RPS6KC1: variants seen among roughly 807,000 people sequenced by gnomAD.
The protein encoded by RPS6KC1 is inactive ribosomal protein S6 kinase delta-1.
RPS6KC1 carries 54 observed loss-of-function variants against 103.8 expected under a neutral mutation model. That is an observed-to-expected ratio of 0.52 (90% CI 0.42 to 0.65). RPS6KC1 has a LOEUF of 0.65. RPS6KC1 is among the 30% of genes least tolerant of loss of function. The probability of loss-of-function intolerance (pLI) is 0.00; values close to 1 mark genes in which losing one functional copy is unlikely to be tolerated. For missense variants in RPS6KC1, 1,151 were observed against 1,253.8 expected (o/e 0.92, Z 1.24); for synonymous variants, 439 against 438.7 (o/e 1.00, Z -0.01).
chr1:213,631,208 A>G, the RPS6KC1 span, among the ~76,000 whole-genome samples: 1 of 151,972 alleles, frequency 6.6e-6, no homozygotes, highest in Non-Finnish European at 1.5e-5. Flanking sequence ...TGTGTGCTGC[A>G]TCCACTGTCC....
At chr1:213,111,647 CTG>C (rs888081903) in intron 4 of RPS6KC1, among the ~76,000 whole-genome samples, 2 of 152,206 alleles carry the variant, frequency 1.3e-5, no homozygotes, top group South Asian at 2.1e-4. Flanking sequence ...TCTAAATACT[CTG>C]TGTGTATTTT....
chr1:213,553,838 GTGTC>G, the RPS6KC1 span, among the ~76,000 whole-genome samples: 1 of 152,062 alleles, frequency 6.6e-6, no homozygotes, highest in East Asian at 1.9e-4. Context: ...CTTTTGGAAA[GTGTC>G]TGTCCAGATT....
the RPS6KC1 span, among the ~76,000 whole-genome samples, chr1:213,540,998 C>T: frequency 6.6e-6 from 1 of 151,882 alleles, no homozygotes; most frequent in Non-Finnish European, 1.5e-5. Flanking sequence ...CTCCAGGCTC[C>T]ACCTGTAATT....
chr1:213,589,941 GTGTGT>G, the RPS6KC1 span, among the ~76,000 whole-genome samples: 40 of 75,406 alleles, frequency 5.3e-4, no homozygotes, highest in African/African-American at 1.5e-3. Flanking sequence ...AGGTAGTGGT[GTGTGT>G]GTGTGTGTGT....
the RPS6KC1 span, among the ~76,000 whole-genome samples, chr1:213,442,494 TG>T: frequency 6.6e-6 from 1 of 152,206 alleles, no homozygotes; most frequent in Admixed American, 6.5e-5. Flanking sequence ...ATCCCAAACC[TG>T]CCACTTCTGA....
chr1:213,431,833 G>A, the RPS6KC1 span, among the ~76,000 whole-genome samples: 1 of 152,128 alleles, frequency 6.6e-6, no homozygotes, highest in Admixed American at 6.5e-5. Context: ...GGATGAAATT[G>A]CTGATTTATA....
At chr1:213,339,634 A>G in the RPS6KC1 span, among the ~76,000 whole-genome samples, 1 of 152,198 alleles carries the variant, frequency 6.6e-6, no homozygotes, top group African/African-American at 2.4e-5. Flanking sequence ...TTTCATGTTC[A>G]TTACCTCATT....
chr1:213,267,608 AGCAGC>A (rs2094942070), intron 14 of RPS6KC1, among the ~76,000 whole-genome samples: 2 of 152,094 alleles, frequency 1.3e-5, no homozygotes, highest in Non-Finnish European at 2.9e-5. Flanking sequence ...AAGACTTTAA[AGCAGC>A]TATTGTAAAT....
At chr1:213,425,992 C>T in the RPS6KC1 span, among the ~76,000 whole-genome samples, 1 of 152,054 alleles carries the variant, frequency 6.6e-6, no homozygotes, top group Non-Finnish European at 1.5e-5. Flanking sequence ...AAAGATTCTC[C>T]CAAGATTGGA....
At chr1:213,627,885 T>C in the RPS6KC1 span, among the ~76,000 whole-genome samples, 1 of 152,202 alleles carries the variant, frequency 6.6e-6, no homozygotes, top group African/African-American at 2.4e-5. Context: ...TAAAATTCTC[T>C]TTTTTTGTTG....
intron 5 of RPS6KC1, among the ~76,000 whole-genome samples, chr1:213,123,152 A>G (rs1297752974): frequency 1.3e-5 from 2 of 152,164 alleles, no homozygotes; most frequent in African/African-American, 4.8e-5. Context: ...TCACAGAACT[A>G]TATTTTGAAA....
At chr1:213,514,394 C>A in the RPS6KC1 span, among the ~76,000 whole-genome samples, 33 of 129,316 alleles carry the variant, frequency 2.6e-4, no homozygotes, top group African/African-American at 9.4e-4. Flanking sequence ...CCCCACCCCA[C>A]AACAGGCCCC....
At chr1:213,496,663 TAGG>T in the RPS6KC1 span, among the ~76,000 whole-genome samples, 1 of 151,838 alleles carries the variant, frequency 6.6e-6, no homozygotes, top group Admixed American at 6.6e-5. Context: ...GAGGCTGAGG[TAGG>T]AGAATTGCTT....
the RPS6KC1 span, among the ~76,000 whole-genome samples, chr1:213,500,195 G>A: frequency 6.6e-6 from 1 of 152,012 alleles, no homozygotes; most frequent in African/African-American, 2.4e-5. Context: ...TCCTTATTCT[G>A]TAAGCTTTTT....
the RPS6KC1 span, among the ~76,000 whole-genome samples, chr1:213,827,982 G>A: frequency 1.3e-5 from 2 of 152,034 alleles, no homozygotes; most frequent in Non-Finnish European, 2.9e-5. Context: ...CTTATAAAGG[G>A]TTTTCAGGCC....
At chr1:213,829,070 C>CT in the RPS6KC1 span, among the ~76,000 whole-genome samples, 8 of 152,172 alleles carry the variant, frequency 5.3e-5, no homozygotes, top group Non-Finnish European at 1.0e-4. Context: ...AGATTAACAC[C>CT]TTATCATGCT....
chr1:213,156,523 A>G (rs2089906215), intron 6 of RPS6KC1, among the ~76,000 whole-genome samples: 1 of 152,234 alleles, frequency 6.6e-6, no homozygotes, highest in South Asian at 2.1e-4. Context: ...TGAATACTAC[A>G]CCAAGGCACA....
At chr1:213,141,990 A>G (rs1445223494) in intron 6 of RPS6KC1, among the ~76,000 whole-genome samples, 2 of 151,996 alleles carry the variant, frequency 1.3e-5, no homozygotes, top group Non-Finnish European at 2.9e-5. Context: ...TCTCAGTATT[A>G]CTGTGTGATT....
chr1:213,560,714 T>G, the RPS6KC1 span, among the ~76,000 whole-genome samples: 24 of 152,282 alleles, frequency 1.6e-4, no homozygotes, highest in African/African-American at 5.8e-4. Flanking sequence ...GTGATAATTT[T>G]TTACTCTGTG....
Sources: allele counts gnomAD v4.1 joint callset (sites outside exome capture counted in the v4.1 genomes callset), GRCh38; gene constraint gnomAD v4.1.1; transcripts MANE v1.5; gene names NCBI Gene and HGNC (gene_info 2026-07-23, HGNC 2026-07-21).